The following CHRND variants were observed in gnomAD, a reference collection of about 807,000 sequenced individuals.
CHRND encodes the protein cholinergic receptor nicotinic delta subunit, also known as acetylcholine receptor subunit delta.
CHRND carries 40 observed loss-of-function variants against 57.8 expected under a neutral mutation model. The observed-to-expected ratio is 0.69, with a 90% confidence interval of 0.54 to 0.90. The LOEUF is 0.90. Among genes scored for constraint, CHRND ranks in the 40% least tolerant of loss-of-function variants. The probability of loss-of-function intolerance (pLI) is 0.00; values close to 1 mark genes in which losing one functional copy is unlikely to be tolerated. For missense variants in CHRND, 634 were observed against 673.9 expected (o/e 0.94, Z 0.66); for synonymous variants, 237 against 270.6 (o/e 0.88, Z 1.22).
chr2:232,532,815 T>A (rs12466358), intron 9 of CHRND, among the ~76,000 whole-genome samples: 1 of 152,046 alleles, frequency 6.6e-6, no homozygotes, highest in Admixed American at 6.5e-5. Context: ...GTTCACTATC[T>A]CATCACTGGT....
rs751310035 is a variant in CHRND at position 232,528,516 on chromosome 2, C to G, written c.369C>G (p.Phe123Leu). 2.6e-5 allele frequency: 42 copies of G among 1,614,020 alleles called. No homozygotes were observed. The highest frequency in any genetic ancestry group is 3.4e-5 in the Non-Finnish European group (40 of 1,180,034). ...IVLENNNDGS[F>L]QISYSCNVLV... ...TGTCCCCCAGCAATGACGGCTCCTT[C>G]CAGATCTCCTACTCCTGCAACGTGC... Residue 123 changes from phenylalanine (F) to leucine (L), a missense_variant, in exon 5 of 12, where the codon TTC becomes TTG. By Grantham distance (22) the Phe-to-Leu change is conservative. Coordinates refer to ENST00000258385, the MANE Select transcript of CHRND (RefSeq NM_000751.3).
rs1691856722 is a variant in CHRND at position 232,535,505 on chromosome 2, A to AG, written c.*196dup. On this transcript the variant is annotated 3_prime_UTR_variant, in exon 12 of 12. Transcript: ENST00000258385. ...GACAGGGGCCACCCGAGATGGTCTG[A>AG]GGGTGGACATCGGCTACAGTGGGTG... 2 of 772,430 alleles carry AG rather than the reference A, an allele frequency of 2.6e-6. No homozygotes were observed. The highest frequency in any genetic ancestry group is 4.4e-6 in the Non-Finnish European group (2 of 453,168). 47.8% of individuals were successfully genotyped at this position (772,430 alleles called of 1,614,324 possible). A position where few individuals can be genotyped will look rare whatever the true frequency, so the allele number is the denominator to read the frequency against.
At chr2:232,533,505 G>A (rs3828246) in intron 9 of CHRND, among the ~76,000 whole-genome samples, 34,729 of 152,134 alleles carry the variant, frequency 0.23, 4,579 homozygotes, top group East Asian at 0.37. Flanking sequence ...ATCAATGACA[G>A]AGTCAGACGG....
chr2:232,531,074 C>T (rs1205963509), intron 7 of CHRND, among the ~76,000 whole-genome samples: 3 of 152,134 alleles, frequency 2.0e-5, no homozygotes, highest in African/African-American at 2.4e-5. Context: ...CAGAGTGATG[C>T]GTGTTAAACA....
intron 7 of CHRND, 98 bp from the exon 8 acceptor site, chr2:232,531,254 G>A: frequency 1.2e-6 from 1 of 832,670 alleles, no homozygotes; most frequent in Non-Finnish European, 2.1e-6. Context: ...GAGGTGCCAG[G>A]GGCCACAGCG....
Position 232,536,629 on chromosome 2 carries a change from C to T in CHRND, c.*1317C>T, listed in dbSNP as rs1159919948. The stretch of plus-strand genomic sequence containing the variant: ...CTCCTGGATTCCTGACCCCCAGAAA[C>T]TGTGTGAGATAATAAATGTGTGTTG... On this transcript the variant is annotated 3_prime_UTR_variant, in exon 12 of 12. Transcript: ENST00000258385. 2.7e-6 allele frequency: 1 copy of T among 363,716 alleles called. No individual in the cohort carries two copies. Among genetic ancestry groups the T allele is most frequent in the Non-Finnish European group, 5.4e-6 (1 of 184,696 alleles). 22.5% of individuals were successfully genotyped at this position (363,716 alleles called of 1,614,324 possible).
At chr2:232,531,004 G>A (rs1308478703) in intron 7 of CHRND, among the ~76,000 whole-genome samples, 1 of 152,184 alleles carries the variant, frequency 6.6e-6, no homozygotes, top group Admixed American at 6.5e-5. Flanking sequence ...CTCCAGGAGG[G>A]TTCAGTGGCG....
At chr2:232,531,699 G>A in intron 9 of CHRND, 43 bp downstream of exon 9, 1 of 1,531,496 alleles carries the variant, frequency 6.5e-7, no homozygotes, top group South Asian at 1.1e-5. Flanking sequence ...CTGTAATCCT[G>A]GCATTTCAGG....
At chr2:232,531,134 T>G (rs1431687534) in intron 7 of CHRND, among the ~76,000 whole-genome samples, 2 of 152,146 alleles carry the variant, frequency 1.3e-5, no homozygotes, top group African/African-American at 2.4e-5. Context: ...ACAGAGAGGT[T>G]GGGCTACTTG....
At position 232,535,286 on chromosome 2, in the gene CHRND, A is replaced by G; in HGVS notation, c.1528A>G (p.Asn510Asp). The change falls in exon 12 of 12, where the codon AAC (asparagine) becomes GAC (aspartate). Residue 510 changes from asparagine to aspartate, a missense_variant. Physicochemically the swap from Asn to Asp is conservative, Grantham distance 23. Transcript: ENST00000258385. Reference protein sequence around the residue: ...QPFPGDPYSYNVQDKRFI With the variant: ...QPFPGDPYSYDVQDKRFI ...TTTTCCTGGGGACCCCTACTCCTAC[A>G]ACGTGCAGGACAAGCGCTTCATCTA... is the stretch of plus-strand genomic sequence containing the variant. 10 of 1,613,878 alleles carry G rather than the reference A, an allele frequency of 6.2e-6. No homozygotes were observed. Among genetic ancestry groups the G allele is most frequent in the Non-Finnish European group, 8.5e-6 (10 of 1,180,012 alleles).
At position 232,533,920 on chromosome 2, in the gene CHRND, C is replaced by T. The variant is rs2106214198; in HGVS notation, c.1048-11C>T. The T allele has an allele frequency of 1.2e-6, 2 of 1,611,670 alleles. No homozygotes were observed. The highest frequency in any genetic ancestry group is 4.5e-5 in the East Asian group (2 of 44,884). On this transcript the variant is annotated splice_polypyrimidine_tract_variant and intron_variant, in intron 9 of 11. Transcript: ENST00000258385. ...CAACGCCTTTCTTGTGGCCCCTTGA[C>T]ATGGCCCCAGCTCTTCCTGGAGACC...
chr2:232,526,192 G>T lies in CHRND; in HGVS notation c.-24G>T, dbSNP rs762565020. 2 of 1,552,578 alleles carry T rather than the reference G, an allele frequency of 1.3e-6. No homozygotes were observed. The highest frequency in any genetic ancestry group is 2.2e-5 in the South Asian group (2 of 89,902). ...AGCCCTGTAGACAGGAGGGGCAGAT[G>T]CACGTCCCAGTCAGAGGGATGGGAT... On this transcript the variant is annotated 5_prime_UTR_variant, in exon 1 of 12. It removes an upstream start codon present in the reference 5' UTR. Transcript: ENST00000258385.
chr2:232,532,004 G>A (rs541478795), intron 9 of CHRND, among the ~76,000 whole-genome samples: 39 of 147,320 alleles, frequency 2.6e-4, no homozygotes, highest in African/African-American at 9.9e-4. Context: ...GCCAAAAGCT[G>A]GAGACTAAGC....
rs977850551 is a variant in CHRND at position 232,527,594 on chromosome 2, A to T, written c.243+149A>T. ...CCCGTCTCTACTAAAAATACAAAAA[A>T]TTAGCTTGGTGTGGTGGTGGGTACC... On this transcript the variant is annotated intron_variant, in intron 3 of 11. Coordinates refer to ENST00000258385, the MANE Select transcript of CHRND (RefSeq NM_000751.3). 3 of 667,588 alleles carry T rather than the reference A, an allele frequency of 4.5e-6. No individual in the cohort carries two copies. The East Asian group carries it at 8.3e-5, about 18-fold the overall frequency. The allele number at this position is 667,588 out of a possible 1,614,324, so 41.4% of individuals were successfully genotyped here.
chr2:232,534,100 A>G lies in CHRND; in HGVS notation c.1217A>G (p.Glu406Gly). ...GACCTCATGTTCGAGAAGCAGTCAG[A>G]GCGGCATGGGCTGGCCAGGCGCCTC... ...RSDLMFEKQS[E>G]RHGLARRLTT... Residue 406 changes from glutamate (E) to glycine (G), a missense_variant, in exon 10 of 12, where the codon GAG (glutamate) becomes GGG (glycine). Transcript: ENST00000258385. 1 of 1,614,134 alleles carries G rather than the reference A, an allele frequency of 6.2e-7. No individual in the cohort carries two copies. Among genetic ancestry groups the G allele is most frequent in the South Asian group, 1.1e-5 (1 of 91,092 alleles).
intron 3 of CHRND, 34 bp from the exon 4 acceptor site, chr2:232,528,228 A>T (rs1374438677): frequency 1.3e-6 from 2 of 1,595,412 alleles, no homozygotes; most frequent in African/African-American, 1.3e-5. Context: ...GGATGGCTGC[A>T]GAGTGCACTG....
intron 1 of CHRND, 23 bp downstream of exon 1, chr2:232,526,290 C>T (rs760555842): frequency 6.2e-6 from 10 of 1,608,330 alleles, no homozygotes; most frequent in South Asian, 2.2e-5. Context: ...ACCCTCCCCA[C>T]CCTGGGGTCC....
At chr2:232,534,461 A>G in intron 11 of CHRND, 119 bp downstream of exon 11, 1 of 1,034,140 alleles carries the variant, frequency 9.7e-7, no homozygotes, top group Non-Finnish European at 1.5e-6. Context: ...TGAGGGAGTT[A>G]ATGTGACACA....
rs1259991052 is a variant in CHRND at position 232,536,210 on chromosome 2, A to T, written c.*898A>T. ...CTGTTTGTATGGTGGTCCACCTCCAAGATGGCCCCAGTGATGCCCAGTATT... is the reference window on the plus strand; with the variant it reads ...CTGTTTGTATGGTGGTCCACCTCCATGATGGCCCCAGTGATGCCCAGTATT... On this transcript the variant is annotated 3_prime_UTR_variant, in exon 12 of 12. Transcript: ENST00000258385. 1 of 454,028 alleles carries T rather than the reference A, an allele frequency of 2.2e-6. No homozygotes were observed. The highest frequency in any genetic ancestry group is 4.4e-6 in the Non-Finnish European group (1 of 226,806). The allele number at this position is 454,028 out of a possible 1,614,324, so 28.1% of individuals were successfully genotyped here.
Sources: allele counts gnomAD v4.1 joint callset (sites outside exome capture counted in the v4.1 genomes callset), GRCh38; gene constraint gnomAD v4.1.1; transcripts MANE v1.5; gene names NCBI Gene and HGNC (gene_info 2026-07-23, HGNC 2026-07-21).